The following GPC5 variants were observed in gnomAD, a reference collection of about 807,000 sequenced individuals.
GPC5 encodes the protein glypican 5, also known as glypican-5.
A neutral mutation model predicts 53.9 loss-of-function variants in GPC5; 47 were observed. The observed-to-expected ratio is 0.87, with a 90% CI of 0.69 to 1.11. The LOEUF (loss-of-function observed/expected upper bound fraction) is 1.11, where lower values mean the gene tolerates loss of function less well. Ranked by LOEUF, GPC5 falls within the 50% of genes most tolerant of loss-of-function variation. GPC5 has a pLI of 0.00. For missense variants in GPC5, 748 were observed against 713.1 expected (o/e 1.05, Z -0.56); for synonymous variants, 286 against 263.3 (o/e 1.09, Z -0.84).
chr13:92,405,121 A>G (rs1875735011), intron 7 of GPC5, among the ~76,000 whole-genome samples: 1 of 131,600 alleles, frequency 7.6e-6, no homozygotes, highest in South Asian at 2.3e-4. Flanking sequence ...AGAATAATAA[A>G]AACAAGATAA....
intron 7 of GPC5, among the ~76,000 whole-genome samples, chr13:92,509,273 AG>A (rs1042452031): frequency 9.9e-5 from 15 of 152,112 alleles, no homozygotes; most frequent in African/African-American, 3.4e-4. Flanking sequence ...GTCTGCTCTA[AG>A]GGGAATTCCT....
rs762036593 is a variant in GPC5 at position 91,693,303 on chromosome 13, G to A, written c.442G>A (p.Val148Met). The A allele has an allele frequency of 9.9e-6, 16 of 1,614,114 alleles. No homozygotes were observed. The highest frequency in any genetic ancestry group is 1.2e-5 in the Non-Finnish European group (14 of 1,180,010). Reference protein sequence around the residue: ...AASVQEFFTDVGLYLFGADVN... With the variant: ...AASVQEFFTDMGLYLFGADVN... ...TTCGGTTCAGGAGTTCTTCACTGATGTGGGGCTGTATTTATTTGGTGCGGA... is the reference window on the plus strand; with the variant it reads ...TTCGGTTCAGGAGTTCTTCACTGATATGGGGCTGTATTTATTTGGTGCGGA... The change falls in exon 3 of 8, where the codon GTG (valine) becomes ATG (methionine). Residue 148 changes from valine to methionine, a missense_variant. Coordinates refer to ENST00000377067, the MANE Select transcript of GPC5 (RefSeq NM_004466.6).
chr13:91,734,721 G>A (rs1260363781), intron 4 of GPC5, among the ~76,000 whole-genome samples: 1 of 151,402 alleles, frequency 6.6e-6, no homozygotes, highest in African/African-American at 2.5e-5. Flanking sequence ...TCCTTTGGTG[G>A]TGAATAAAGT....
At chr13:92,477,874 C>A (rs1353670972) in intron 7 of GPC5, among the ~76,000 whole-genome samples, 1 of 151,978 alleles carries the variant, frequency 6.6e-6, no homozygotes, top group East Asian at 1.9e-4. Context: ...CGGTGTTGTC[C>A]AGTAAACTAT....
chr13:92,817,655 T>C (rs1464751696), intron 7 of GPC5, among the ~76,000 whole-genome samples: 1 of 152,008 alleles, frequency 6.6e-6, no homozygotes, highest in Non-Finnish European at 1.5e-5. Context: ...CTTTGGAAAT[T>C]TTATTTTCTA....
chr13:91,911,132 T>TA (rs921502999), intron 6 of GPC5, among the ~76,000 whole-genome samples: 8 of 152,254 alleles, frequency 5.3e-5, no homozygotes, highest in African/African-American at 1.9e-4. Flanking sequence ...GCCATGCAGC[T>TA]AAAACAGGGT....
intron 2 of GPC5, among the ~76,000 whole-genome samples, chr13:91,630,344 GT>G (rs1462636283): frequency 3.3e-5 from 5 of 152,030 alleles, no homozygotes; most frequent in African/African-American, 1.2e-4. Flanking sequence ...TTTGTTGTTT[GT>G]AGGTGATTGG....
chr13:91,497,730 C>T (rs1435373838), intron 2 of GPC5, among the ~76,000 whole-genome samples: 1 of 152,130 alleles, frequency 6.6e-6, no homozygotes, highest in African/African-American at 2.4e-5. Context: ...TTGATGGTAT[C>T]AACATGAGGA....
At chr13:92,116,866 AT>A (rs1010172789) in intron 6 of GPC5, among the ~76,000 whole-genome samples, 2 of 152,042 alleles carry the variant, frequency 1.3e-5, no homozygotes, top group African/African-American at 2.4e-5. Context: ...AATATGTTTA[AT>A]TTTTTGCTCA....
At chr13:92,084,161 C>T (rs2041318443) in intron 6 of GPC5, among the ~76,000 whole-genome samples, 1 of 152,120 alleles carries the variant, frequency 6.6e-6, no homozygotes, top group Non-Finnish European at 1.5e-5. Flanking sequence ...GGATAAATAG[C>T]TAGTGAACAG....
At position 92,374,663 on chromosome 13, in the gene GPC5, T is replaced by C. The variant is rs551564167; in HGVS notation, c.1561+229674T>C. ...GTGGGAATTGAACAATGAGATCACATGGACACAGGAAGGGGAATATCACAC... is the reference window on the plus strand; with the variant it reads ...GTGGGAATTGAACAATGAGATCACACGGACACAGGAAGGGGAATATCACAC... On this transcript the variant is annotated intron_variant, in intron 7 of 7. Transcript: ENST00000377067. 1.7e-4 allele frequency among the ~76,000 whole-genome samples: 19 copies of C among 115,142 alleles called. No individual in the cohort carries two copies. In the South Asian group the frequency reaches 5.3e-3, roughly 32 times the overall value. The allele number at this position is 115,142 out of a possible 152,430, so 75.5% of individuals were successfully genotyped here. A position where few individuals can be genotyped will look rare whatever the true frequency, so the allele number is the denominator to read the frequency against.
chr13:91,418,223 G>A (rs1306687013), intron 1 of GPC5, among the ~76,000 whole-genome samples: 1 of 152,104 alleles, frequency 6.6e-6, no homozygotes, highest in Non-Finnish European at 1.5e-5. Context: ...AAAGGAATAG[G>A]AGGCAGAAGA....
chr13:92,099,116 T>G (rs1677456806), intron 6 of GPC5, among the ~76,000 whole-genome samples: 1 of 152,130 alleles, frequency 6.6e-6, no homozygotes, highest in Admixed American at 6.5e-5. Flanking sequence ...CCAAGACAAG[T>G]TTTTTTCCCC....
At chr13:92,263,146 A>G (rs1054484102) in intron 7 of GPC5, among the ~76,000 whole-genome samples, 1 of 152,146 alleles carries the variant, frequency 6.6e-6, no homozygotes, top group Non-Finnish European at 1.5e-5. Flanking sequence ...AAATTATAGA[A>G]TAATAATGTT....
rs554679786 is a variant in GPC5, at chr13:91,844,013, A to G, written c.1281-63924A>G. ...ACAAAACTATTTTAGGTATGGGAAA[A>G]TAATGTATATTTGAGAGTTTTGCGT... On this transcript the variant is annotated intron_variant, in intron 5 of 7. Transcript: ENST00000377067. Among the ~76,000 whole-genome samples the G allele has an allele frequency of 5.2e-4, 79 of 152,256 alleles. 1 individual carries two copies. Among genetic ancestry groups the G allele is most frequent in the African/African-American group, 1.9e-3 (77 of 41,558 alleles).
intron 5 of GPC5, among the ~76,000 whole-genome samples, chr13:91,887,168 C>T (rs1466580204): frequency 6.6e-6 from 1 of 152,162 alleles, no homozygotes; most frequent in Non-Finnish European, 1.5e-5. Context: ...CTTCTGTGCA[C>T]CTGCAGGCTC....
chr13:92,796,103 G>A (rs141995984), intron 7 of GPC5, among the ~76,000 whole-genome samples: 5,113 of 152,158 alleles, frequency 0.034, 158 homozygotes, highest in South Asian at 0.16. Flanking sequence ...CAAAGACTTG[G>A]AACCAACCCA....
At chr13:92,301,590 T>C (rs538885298) in intron 7 of GPC5, among the ~76,000 whole-genome samples, 108 of 152,100 alleles carry the variant, frequency 7.1e-4, no homozygotes, top group Non-Finnish European at 5.1e-4. Context: ...AAATCACTTA[T>C]CAAAATGATC....
chr13:91,705,883 C>CTTTTT (rs11411010), intron 3 of GPC5, among the ~76,000 whole-genome samples: 1 of 134,270 alleles, frequency 7.4e-6, no homozygotes, highest in African/African-American at 2.8e-5. Context: ...TCTTTCTTTT[C>CTTTTT]TTTTTTTTTT....
Sources: allele counts gnomAD v4.1 joint callset (sites outside exome capture counted in the v4.1 genomes callset), GRCh38; gene constraint gnomAD v4.1.1; transcripts MANE v1.5; gene names NCBI Gene and HGNC (gene_info 2026-07-23, HGNC 2026-07-21).